Variants in VAV3 observed in about 807,000 individuals in gnomAD.
VAV3 encodes vav guanine nucleotide exchange factor 3.
Under a neutral mutation model 131.2 loss-of-function variants are expected in VAV3, and 94 were observed. That is an observed-to-expected ratio of 0.72 (90% CI 0.61 to 0.85). VAV3 has a LOEUF of 0.85. Ranked by LOEUF, VAV3 falls within the 40% of genes least tolerant of loss-of-function variation. The pLI, the probability that VAV3 is intolerant of heterozygous loss-of-function variation, is 0.00. For missense variants in VAV3, 939 were observed against 1,002.7 expected, an observed-to-expected ratio of 0.94 and a Z score of 0.86; for synonymous variants, 349 against 342.0, an observed-to-expected ratio of 1.02 and a Z score of -0.22.
At chr1:107,692,043 C>A (rs1659461418) in intron 17 of VAV3, among the ~76,000 whole-genome samples, 1 of 152,098 alleles carries the variant, frequency 6.6e-6, no homozygotes, top group African/African-American at 2.4e-5. Flanking sequence ...TCAGACTAAA[C>A]ACATCAATGT....
At chr1:107,921,907 T>C (rs1269799360) in intron 1 of VAV3, among the ~76,000 whole-genome samples, 1 of 152,250 alleles carries the variant, frequency 6.6e-6, no homozygotes, top group African/African-American at 2.4e-5. Context: ...GCTATTACAC[T>C]AGTTCATGGA....
intron 2 of VAV3, among the ~76,000 whole-genome samples, chr1:107,798,347 C>T (rs61797408): frequency 0.1 from 15,317 of 152,114 alleles, 889 homozygotes; most frequent in Non-Finnish European, 0.13. Context: ...CTCAAGGTGG[C>T]TCCTGCTCCC....
intron 15 of VAV3, among the ~76,000 whole-genome samples, chr1:107,747,748 T>G (rs960082642): frequency 8.5e-5 from 13 of 152,328 alleles, no homozygotes; most frequent in African/African-American, 3.1e-4. Context: ...GCTTTCATTA[T>G]GCAGCCAGTT....
intron 1 of VAV3, among the ~76,000 whole-genome samples, chr1:107,948,122 T>C (rs1382866416): frequency 6.6e-6 from 1 of 152,194 alleles, no homozygotes. Flanking sequence ...TTTTATAATT[T>C]TCATTAATCA....
chr1:107,815,461 A>G (rs17020127), intron 2 of VAV3, among the ~76,000 whole-genome samples: 14,067 of 152,210 alleles, frequency 0.092, 831 homozygotes, highest in East Asian at 0.26. Flanking sequence ...ACCAAATTCA[A>G]TGATGTGATT....
At chr1:107,830,674 A>G (rs897556868) in intron 2 of VAV3, among the ~76,000 whole-genome samples, 7 of 151,824 alleles carry the variant, frequency 4.6e-5, no homozygotes, top group Non-Finnish European at 1.0e-4. Context: ...ATCTTTGCTC[A>G]TTCTCTAATA....
At chr1:107,779,686 A>G (rs1665578391) in intron 2 of VAV3, among the ~76,000 whole-genome samples, 194 bp from the exon 3 acceptor site, 1 of 152,270 alleles carries the variant, frequency 6.6e-6, no homozygotes, top group Non-Finnish European at 1.5e-5. Flanking sequence ...ATTATTACTT[A>G]AAGTAATAAA....
intron 1 of VAV3, among the ~76,000 whole-genome samples, chr1:107,917,700 A>C (rs955436625): frequency 5.3e-5 from 8 of 152,228 alleles, no homozygotes; most frequent in Non-Finnish European, 1.0e-4. Flanking sequence ...TCAAAGTTGG[A>C]ATATAGGCTG....
At chr1:107,797,363 C>T (rs1391205952) in intron 2 of VAV3, among the ~76,000 whole-genome samples, 1 of 152,102 alleles carries the variant, frequency 6.6e-6, no homozygotes, top group East Asian at 1.9e-4. Flanking sequence ...TCTGCATATG[C>T]CATAAATTCT....
Position 107,751,112 on chromosome 1 carries a change from C to A in VAV3, c.1259+5G>T, listed in dbSNP as rs1194507650. The A allele has an allele frequency of 1.9e-6, 3 of 1,606,734 alleles. No individual in the cohort carries two copies. The highest frequency in any genetic ancestry group is 8.5e-7 in the Non-Finnish European group (1 of 1,177,794). On this transcript the variant is annotated splice_donor_5th_base_variant and intron_variant, in intron 13 of 26. Transcript: ENST00000370056. The stretch of plus-strand genomic sequence containing the variant: ...ATTTTGAAAATAGTATTCTTCTTTT[C>A]TTACCTTTCTTGTTTGGTATGCTTG...
At chr1:107,764,947 A>T in intron 9 of VAV3, 129 bp downstream of exon 9, 1 of 622,848 alleles carries the variant, frequency 1.6e-6, no homozygotes, top group Non-Finnish European at 2.7e-6. Context: ...CTGTTTAAAT[A>T]TTTTATAAAA....
intron 20 of VAV3, among the ~76,000 whole-genome samples, chr1:107,618,969 A>G (rs912161494): frequency 5.3e-5 from 8 of 152,212 alleles, no homozygotes; most frequent in African/African-American, 1.7e-4. Flanking sequence ...GATGGGTCTC[A>G]CTTTCGGAGT....
At chr1:107,767,766 G>A (rs1047458200) in intron 7 of VAV3, among the ~76,000 whole-genome samples, 1 of 152,184 alleles carries the variant, frequency 6.6e-6, no homozygotes, top group African/African-American at 2.4e-5. Flanking sequence ...CTGAGAACTT[G>A]AATCTTGCCT....
At chr1:107,664,068 C>G (rs1472049065) in intron 19 of VAV3, among the ~76,000 whole-genome samples, 1 of 152,046 alleles carries the variant, frequency 6.6e-6, no homozygotes, top group East Asian at 1.9e-4. Flanking sequence ...ATTAACAAAC[C>G]ATTTTCTTTT....
intron 15 of VAV3, among the ~76,000 whole-genome samples, chr1:107,745,507 T>C (rs867316478): frequency 2.0e-5 from 3 of 152,162 alleles, no homozygotes; most frequent in African/African-American, 2.4e-5. Flanking sequence ...ATATTTTAAA[T>C]GCTGGAAGTG....
At chr1:107,594,728 T>C (rs1031885726) in intron 25 of VAV3, among the ~76,000 whole-genome samples, 2 of 152,112 alleles carry the variant, frequency 1.3e-5, no homozygotes, top group Non-Finnish European at 2.9e-5. Context: ...AGTACCTCCA[T>C]GTACTAAACA....
chr1:107,900,273 T>C (rs1392124531), intron 1 of VAV3, among the ~76,000 whole-genome samples: 1 of 152,174 alleles, frequency 6.6e-6, no homozygotes, highest in African/African-American at 2.4e-5. Context: ...CCGCAAAGTA[T>C]ATCCATAGTA....
intron 1 of VAV3, among the ~76,000 whole-genome samples, chr1:107,880,152 A>AT (rs1366101859): frequency 6.6e-6 from 1 of 152,252 alleles, no homozygotes; most frequent in Non-Finnish European, 1.5e-5. Context: ...TGAAGAATAC[A>AT]TTCAGATGCT....
chr1:107,615,340 C>G (rs971887998), intron 21 of VAV3, among the ~76,000 whole-genome samples: 6 of 152,156 alleles, frequency 3.9e-5, no homozygotes, highest in Admixed American at 6.6e-5. Context: ...ATAACACGTT[C>G]TCACTTGTAA....
Sources: gnomAD v4.1 joint callset for allele counts (sites outside exome capture counted in the v4.1 genomes callset) on GRCh38, gnomAD v4.1.1 for gene constraint, MANE v1.5 for transcripts, NCBI Gene and HGNC (gene_info 2026-07-23, HGNC 2026-07-21) for gene names.